KDM7A: variants seen among roughly 807,000 people sequenced by gnomAD.
KDM7A encodes the protein lysine-specific demethylase 7A.
In KDM7A, 28 loss-of-function variants were observed where a neutral mutation model predicts 114.8. The observed-to-expected ratio is 0.24, with a 90% CI of 0.18 to 0.33. KDM7A has a LOEUF of 0.33. Ranked by LOEUF, KDM7A falls within the 10% of genes least tolerant of loss-of-function variation. The pLI is 1.00. For synonymous variants in KDM7A, 423 were observed against 397.8 expected, an observed-to-expected ratio of 1.06 and a Z score of -0.75; for missense variants, 942 against 1,142.5, an observed-to-expected ratio of 0.82 and a Z score of 2.53.
At chr7:140,122,910 G>A (rs1818638496) in intron 7 of KDM7A, among the ~76,000 whole-genome samples, 1 of 152,202 alleles carries the variant, frequency 6.6e-6, no homozygotes, top group African/African-American at 2.4e-5. Context: ...ATATTATCAA[G>A]AAAGTGAGCA....
At position 140,124,604 on chromosome 7, in the gene KDM7A, T is replaced by C. The variant is rs1358035554; in HGVS notation, c.1051+17A>G. On this transcript the variant is annotated intron_variant, in intron 7 of 19. Coordinates refer to ENST00000397560, the MANE Select transcript of KDM7A (RefSeq NM_030647.2). ...ACTATCAATCATGTTGAGTAGGGGA[T>C]GGGATGAAAACCTTACCTGTAGGAA... 2 of 1,592,628 alleles carry C rather than the reference T, an allele frequency of 1.3e-6. No individual in the cohort carries two copies. Among genetic ancestry groups the C allele is most frequent in the East Asian group, 2.3e-5 (1 of 44,176 alleles).
rs144218772 is a variant in KDM7A at position 140,117,052 on chromosome 7, T to C, written c.1246+2061A>G. Among the ~76,000 whole-genome samples, 279 of 152,354 alleles carry C rather than the reference T, an allele frequency of 1.8e-3. 1 individual carries two copies. Among genetic ancestry groups the C allele is most frequent in the Middle Eastern group, 3.4e-3 (1 of 294 alleles). The stretch of plus-strand genomic sequence containing the variant: ...TTTGGGGTCACAAGACCACTATTCC[T>C]GTTTCCAGGATGAATGCTTAAAATG... On this transcript the variant is annotated intron_variant, in intron 9 of 19. Coordinates refer to ENST00000397560, the MANE Select transcript of KDM7A (RefSeq NM_030647.2).
rs958038466 is a variant in KDM7A, at chr7:140,089,065, G to C, written c.*2029C>G. The C allele has an allele frequency of 1.3e-5, 2 of 152,066 alleles. No homozygotes were observed. The highest frequency in any genetic ancestry group is 2.4e-5 in the African/African-American group (1 of 41,414). The allele number at this position is 152,066 out of a possible 1,614,324, so 9.4% of individuals were successfully genotyped here. Reference sequence around the variant, plus strand: ...CATGACTATTGTAACACCGACTCAGGATCTACAGAAAAGCAAAAATCACAA... The same window carrying C: ...CATGACTATTGTAACACCGACTCAGCATCTACAGAAAAGCAAAAATCACAA... On this transcript the variant is annotated 3_prime_UTR_variant, in exon 20 of 20. Transcript: ENST00000397560.
intron 3 of KDM7A, among the ~76,000 whole-genome samples, chr7:140,132,656 G>A (rs1585154889): frequency 6.6e-6 from 1 of 152,168 alleles, no homozygotes; most frequent in Non-Finnish European, 1.5e-5. Context: ...CAAAAATCAC[G>A]TGGAAACACT....
At chr7:140,102,487 ATCC>A (rs1391723367) in intron 11 of KDM7A, among the ~76,000 whole-genome samples, 4 of 151,786 alleles carry the variant, frequency 2.6e-5, no homozygotes. Flanking sequence ...AGCTCAAGCG[ATCC>A]TCCTACCTTA....
At chr7:140,160,448 AG>A (rs1794505950) in intron 1 of KDM7A, among the ~76,000 whole-genome samples, 1 of 152,212 alleles carries the variant, frequency 6.6e-6, no homozygotes, top group Admixed American at 6.5e-5. Context: ...CCCTGGGGTA[AG>A]GGGTAGGGCT....
chr7:140,120,926 A>G (rs1318577223), intron 7 of KDM7A, among the ~76,000 whole-genome samples: 4 of 152,188 alleles, frequency 2.6e-5, no homozygotes, highest in African/African-American at 9.7e-5. Flanking sequence ...TTTTTAGCTT[A>G]AAAACACAAC....
At chr7:140,144,338 T>C (rs1237248197) in intron 1 of KDM7A, among the ~76,000 whole-genome samples, 2 of 152,130 alleles carry the variant, frequency 1.3e-5, no homozygotes, top group Admixed American at 6.5e-5. Flanking sequence ...ACACACCATA[T>C]ACAAAAATTA....
chr7:140,106,401 C>A (rs1372320847), intron 11 of KDM7A, among the ~76,000 whole-genome samples: 1 of 152,156 alleles, frequency 6.6e-6, no homozygotes, highest in African/African-American at 2.4e-5. Context: ...TTACATCTTT[C>A]CTGCTTTCTC....
chr7:140,142,803 T>C (rs1469787034), intron 1 of KDM7A, among the ~76,000 whole-genome samples: 1 of 152,108 alleles, frequency 6.6e-6, no homozygotes, highest in Non-Finnish European at 1.5e-5. Flanking sequence ...GATACCTACC[T>C]ATACAAAACC....
chr7:140,131,231 C>T (rs528721177), intron 3 of KDM7A, among the ~76,000 whole-genome samples: 2 of 152,210 alleles, frequency 1.3e-5, no homozygotes, highest in South Asian at 4.2e-4. Flanking sequence ...GTTGCCCTCT[C>T]TGATGATCAA....
intron 13 of KDM7A, 89 bp downstream of exon 13, chr7:140,099,810 G>T: frequency 8.0e-7 from 1 of 1,252,086 alleles, no homozygotes; most frequent in Non-Finnish European, 1.2e-6. Flanking sequence ...GGTCCCTGGT[G>T]CCAGAAAGGT....
At chr7:140,102,233 A>G in intron 11 of KDM7A, 73 bp from the exon 12 acceptor site, 1 of 1,112,240 alleles carries the variant, frequency 9.0e-7, no homozygotes. Context: ...AATCATCCAT[A>G]AAAATATTTC....
At chr7:140,106,242 A>C (rs1253143442) in intron 11 of KDM7A, among the ~76,000 whole-genome samples, 1 of 151,918 alleles carries the variant, frequency 6.6e-6, no homozygotes, top group Admixed American at 6.6e-5. Flanking sequence ...ACCAGCTCCT[A>C]GATTCATTGA....
At chr7:140,174,164 C>CAAAAAA (rs751602446) in intron 1 of KDM7A, among the ~76,000 whole-genome samples, 3 of 87,080 alleles carry the variant, frequency 3.4e-5, no homozygotes, top group South Asian at 3.8e-4. Context: ...ACTCCGTCTC[C>CAAAAAA]AAAAAAAAAA....
At chr7:140,136,680 G>A (rs897881393) in intron 2 of KDM7A, among the ~76,000 whole-genome samples, 2 of 152,174 alleles carry the variant, frequency 1.3e-5, no homozygotes, top group Non-Finnish European at 2.9e-5. Flanking sequence ...GACTCCTAGG[G>A]AATCTCTGAA....
intron 18 of KDM7A, among the ~76,000 whole-genome samples, chr7:140,093,288 T>C (rs962969710): frequency 6.6e-6 from 1 of 152,194 alleles, no homozygotes; most frequent in Non-Finnish European, 1.5e-5. Context: ...AAAGCTTTAT[T>C]CATAAGAGAT....
chr7:140,122,438 G>GCATTCACAATGTGAATGAGCC (rs1483622764), intron 7 of KDM7A, among the ~76,000 whole-genome samples: 11 of 151,896 alleles, frequency 7.2e-5, no homozygotes, highest in African/African-American at 2.4e-4. Context: ...TAAGGGAGGG[G>GCATTCACAATGTGAATGAGCC]CATTCACAAT....
rs1460606308 is a variant in KDM7A, at chr7:140,090,886, CCTT to C, written c.*205_*207del. ...AGGTCTCTTTTTAAGGTTCTACCCT[CCTT>C]CTTCCTCTCCCCCACCAGGTCCAAA... On this transcript the variant is annotated 3_prime_UTR_variant, in exon 20 of 20. Coordinates refer to ENST00000397560, the MANE Select transcript of KDM7A (RefSeq NM_030647.2). The C allele has an allele frequency of 1.8e-6, 1 of 542,696 alleles. No homozygotes were observed. The highest frequency in any genetic ancestry group is 1.9e-5 in the African/African-American group (1 of 53,348). The allele number at this position is 542,696 out of a possible 1,614,324, so 33.6% of individuals were successfully genotyped here.
Sources: allele counts gnomAD v4.1 joint callset (sites outside exome capture counted in the v4.1 genomes callset), GRCh38; gene constraint gnomAD v4.1.1; transcripts MANE v1.5; gene names NCBI Gene and HGNC (gene_info 2026-07-23, HGNC 2026-07-21).